EVA1C: variants seen among roughly 807,000 people sequenced by gnomAD.
EVA1C encodes the protein protein eva-1 homolog C.
EVA1C carries 25 observed loss-of-function variants against 45.4 expected under a neutral mutation model. The observed-to-expected ratio is 0.55, with a 90% CI of 0.40 to 0.77. The LOEUF (loss-of-function observed/expected upper bound fraction) is 0.77. Among genes scored for constraint, EVA1C ranks in the 30% least tolerant of loss-of-function variants. The pLI, the probability that EVA1C is intolerant of heterozygous loss-of-function variation, is 0.00. For synonymous variants in EVA1C, 190 were observed against 221.2 expected, an observed-to-expected ratio of 0.86 and a Z score of 1.25; for missense variants, 479 against 554.8, an observed-to-expected ratio of 0.86 and a Z score of 1.37.
intron 1 of EVA1C, among the ~76,000 whole-genome samples, chr21:32,449,995 C>T (rs577777132): frequency 1.8e-4 from 28 of 152,256 alleles, no homozygotes; most frequent in Admixed American, 3.9e-4. Context: ...CTTCTTTGTA[C>T]TTGGAATGTG....
At chr21:32,427,034 T>G (rs955794007) in intron 1 of EVA1C, among the ~76,000 whole-genome samples, 1 of 152,168 alleles carries the variant, frequency 6.6e-6, no homozygotes, top group African/African-American at 2.4e-5. Flanking sequence ...TGTTTCAGAT[T>G]TAATTTTCAA....
chr21:32,505,759 A>G (rs566954506), intron 7 of EVA1C, among the ~76,000 whole-genome samples: 65 of 152,270 alleles, frequency 4.3e-4, no homozygotes, highest in African/African-American at 1.5e-3. Flanking sequence ...AGGGGGAGAG[A>G]CAGAGACAGA....
intron 1 of EVA1C, among the ~76,000 whole-genome samples, chr21:32,445,908 A>G (rs2035347040): frequency 6.6e-6 from 1 of 152,104 alleles, no homozygotes; most frequent in South Asian, 2.1e-4. Flanking sequence ...GTTACACATG[A>G]GCTGCACCAA....
intron 1 of EVA1C, among the ~76,000 whole-genome samples, chr21:32,419,577 T>C (rs2034182667): frequency 6.6e-6 from 1 of 152,132 alleles, no homozygotes; most frequent in African/African-American, 2.4e-5. Flanking sequence ...TAGCTGGGCA[T>C]AGTGGCATGC....
At chr21:32,492,173 T>A (rs1318603009) in intron 4 of EVA1C, among the ~76,000 whole-genome samples, 2 of 151,876 alleles carry the variant, frequency 1.3e-5, no homozygotes, top group African/African-American at 4.8e-5. Context: ...ACCACCAGGG[T>A]GATGAGCACC....
At chr21:32,425,657 C>T (rs747898468) in intron 1 of EVA1C, among the ~76,000 whole-genome samples, 129 of 152,266 alleles carry the variant, frequency 8.5e-4, no homozygotes, top group African/African-American at 1.2e-3. Flanking sequence ...TTACAGGGGA[C>T]GGCGATCTTT....
At chr21:32,489,530 T>C (rs28794237) in intron 4 of EVA1C, among the ~76,000 whole-genome samples, 1 of 152,228 alleles carries the variant, frequency 6.6e-6, no homozygotes. Context: ...GAGTAAGTAG[T>C]GTGATGCTTC....
Position 32,412,842 on chromosome 21 carries a change from G to T in EVA1C, c.-12G>T. The T allele has an allele frequency of 7.0e-7, 1 of 1,434,796 alleles. No individual in the cohort carries two copies. The highest frequency in any genetic ancestry group is 9.1e-7 in the Non-Finnish European group (1 of 1,101,340). 88.9% of individuals were successfully genotyped at this position (1,434,796 alleles called of 1,614,324 possible). A position where few individuals can be genotyped will look rare whatever the true frequency, so the allele number is the denominator to read the frequency against. Reference sequence around the variant, plus strand: ...CCCGGGCCTGCGCCTCCGCCCCGCCGCGCAGCGCACGATGCTTCTGCCGGG... The same window carrying T: ...CCCGGGCCTGCGCCTCCGCCCCGCCTCGCAGCGCACGATGCTTCTGCCGGG... On this transcript the variant is annotated 5_prime_UTR_variant, in exon 1 of 8. Transcript: ENST00000300255.
At chr21:32,484,057 T>C (rs2036886772) in intron 4 of EVA1C, among the ~76,000 whole-genome samples, 1 of 151,960 alleles carries the variant, frequency 6.6e-6, no homozygotes, top group Admixed American at 6.6e-5. Flanking sequence ...AATTTTTTAG[T>C]GGTTAGCCAT....
intron 3 of EVA1C, among the ~76,000 whole-genome samples, chr21:32,461,891 A>C (rs1428088636): frequency 6.6e-6 from 1 of 152,130 alleles, no homozygotes; most frequent in Non-Finnish European, 1.5e-5. Context: ...TTTCTGCTGC[A>C]TATCGTATCT....
At chr21:32,462,748 A>G (rs750966321) in intron 3 of EVA1C, among the ~76,000 whole-genome samples, 1 of 152,260 alleles carries the variant, frequency 6.6e-6, no homozygotes, top group Non-Finnish European at 1.5e-5. Flanking sequence ...AAACAGTAGC[A>G]TGAGTGATCT....
At chr21:32,429,860 T>C (rs2034631345) in intron 1 of EVA1C, among the ~76,000 whole-genome samples, 1 of 152,260 alleles carries the variant, frequency 6.6e-6, no homozygotes, top group Non-Finnish European at 1.5e-5. Flanking sequence ...AATATTATTA[T>C]TTCAACATTA....
chr21:32,443,932 C>A (rs371046694), intron 1 of EVA1C, among the ~76,000 whole-genome samples: 1 of 151,998 alleles, frequency 6.6e-6, no homozygotes, highest in Non-Finnish European at 1.5e-5. Context: ...GACCATACGA[C>A]CATCCAGGAA....
rs1169375308 is a variant in EVA1C, at chr21:32,507,981, ATGTG to A, written c.949+3975_949+3978del. 2.8e-3 allele frequency among the ~76,000 whole-genome samples: 405 copies of A among 146,364 alleles called. 2 individuals are homozygous for A. Among genetic ancestry groups the A allele is most frequent in the African/African-American group, 9.6e-3 (378 of 39,424 alleles). ...TGTGTGTATCTGTATGTGTGCCTGC[ATGTG>A]TGTGTGTGGGTGCGTGTGTGTACGC... is the stretch of plus-strand genomic sequence containing the variant. On this transcript the variant is annotated intron_variant, in intron 7 of 7. Transcript: ENST00000300255.
At chr21:32,504,856 G>A (rs370600446) in intron 7 of EVA1C, among the ~76,000 whole-genome samples, 2 of 152,126 alleles carry the variant, frequency 1.3e-5, no homozygotes, top group East Asian at 3.9e-4. Context: ...CATACCTGAG[G>A]CTGGGTAATT....
At chr21:32,486,863 A>G (rs2036988096) in intron 4 of EVA1C, among the ~76,000 whole-genome samples, 1 of 152,204 alleles carries the variant, frequency 6.6e-6, no homozygotes, top group Admixed American at 6.5e-5. Context: ...AGAGATTTGT[A>G]TTTATACAAA....
intron 1 of EVA1C, among the ~76,000 whole-genome samples, chr21:32,414,560 C>T (rs928576734): frequency 1.3e-5 from 2 of 152,126 alleles, no homozygotes; most frequent in Admixed American, 1.3e-4. Context: ...TTTAGGGAAG[C>T]AGTTGCAATA....
intron 3 of EVA1C, among the ~76,000 whole-genome samples, chr21:32,464,637 T>C (rs1021200917): frequency 2.0e-5 from 3 of 151,964 alleles, no homozygotes; most frequent in African/African-American, 7.2e-5. Context: ...GCCTAGTCAA[T>C]ATGGTGAAAC....
chr21:32,473,147 C>T (rs1483925653), intron 4 of EVA1C, among the ~76,000 whole-genome samples: 17 of 152,260 alleles, frequency 1.1e-4, no homozygotes, highest in Admixed American at 1.0e-3. Context: ...GAAATACAAA[C>T]CTTTGGCTCT....
Sources: gnomAD v4.1 joint callset for allele counts (sites outside exome capture counted in the v4.1 genomes callset) on GRCh38, gnomAD v4.1.1 for gene constraint, MANE v1.5 for transcripts, NCBI Gene and HGNC (gene_info 2026-07-23, HGNC 2026-07-21) for gene names.